VPS13D: variants seen among roughly 807,000 people sequenced by gnomAD.
VPS13D encodes the protein intermembrane lipid transfer protein VPS13D.
A neutral mutation model predicts 461.9 loss-of-function variants in VPS13D; 187 were observed. The observed-to-expected ratio is 0.40, with a 90% CI of 0.36 to 0.46. The LOEUF is 0.46. VPS13D is among the 20% of genes least tolerant of loss of function. The pLI is 0.60. For synonymous variants in VPS13D, 1,951 were observed against 1,986.3 expected, an observed-to-expected ratio of 0.98 and a Z score of 0.47; for missense variants, 4,711 against 5,364.9, an observed-to-expected ratio of 0.88 and a Z score of 3.81.
chr1:12,290,907 G>A (rs1289975887), intron 22 of VPS13D, 91 bp from the exon 23 acceptor site: 2 of 1,248,172 alleles, frequency 1.6e-6, no homozygotes, highest in Non-Finnish European at 2.1e-6. Context: ...AAAGTCTGAG[G>A]CATGTGTATA....
chr1:12,230,627 C>T (rs1259036559), intron 1 of VPS13D, among the ~76,000 whole-genome samples: 1 of 152,122 alleles, frequency 6.6e-6, no homozygotes, highest in Non-Finnish European at 1.5e-5. Context: ...AGCCACCTCC[C>T]TTAATCAGCC....
intron 65 of VPS13D, among the ~76,000 whole-genome samples, chr1:12,424,629 CACCCTAATCAGGT>C (rs55759138): frequency 6.6e-6 from 1 of 152,286 alleles, no homozygotes; most frequent in Non-Finnish European, 1.5e-5. Flanking sequence ...CCCCCTTTTC[CACCCTAATCAGGT>C]AGCTCAGTAG....
chr1:12,358,377 G>C (rs1356262298), intron 49 of VPS13D, 82 bp from the exon 50 acceptor site: 5 of 1,555,436 alleles, frequency 3.2e-6, no homozygotes, highest in African/African-American at 1.4e-5. Flanking sequence ...GGTGATAACT[G>C]TATTAGTGTT....
intron 7 of VPS13D, among the ~76,000 whole-genome samples, chr1:12,255,263 G>T (rs904132892): frequency 2.6e-5 from 4 of 152,006 alleles, no homozygotes; most frequent in Non-Finnish European, 4.4e-5. Context: ...GTTTTAATTC[G>T]ATTACATAAA....
chr1:12,417,255 A>G (rs1034796864), intron 65 of VPS13D, among the ~76,000 whole-genome samples: 24 of 152,108 alleles, frequency 1.6e-4, no homozygotes, highest in Admixed American at 1.3e-3. Flanking sequence ...AATGACAACA[A>G]CCTTTTAAGC....
At chr1:12,266,300 T>C (rs1355613060) in intron 13 of VPS13D, among the ~76,000 whole-genome samples, 1 of 152,224 alleles carries the variant, frequency 6.6e-6, no homozygotes, top group Non-Finnish European at 1.5e-5. Context: ...AATACATGCT[T>C]TATCAAACAG....
rs1367658474 is a variant in VPS13D at position 12,363,240 on chromosome 1, A to G, written c.10441A>G (p.Asn3481Asp). Reference sequence around the variant, plus strand: ...CAACAAGAATAATTCCTTCCATATCAACATGAGGTAAGTTTGAGACTCTAA... The same window carrying G: ...CAACAAGAATAATTCCTTCCATATCGACATGAGGTAAGTTTGAGACTCTAA... ...EVNKNNSFHI[N>D]MRDTLGKCFF... Residue 3481 changes from asparagine (N) to aspartate (D), a missense_variant, in exon 52 of 70, where the codon AAC becomes GAC. Asn to Asp is a conservative substitution (Grantham distance 23). This residue lies in a region of VPS13D where 4,411 missense variants were observed against 4,937.8 expected (regional missense o/e 0.89). Transcript: ENST00000620676. The G allele has an allele frequency of 6.2e-7, 1 of 1,614,132 alleles. No homozygotes were observed. Among genetic ancestry groups the G allele is most frequent in the East Asian group, 2.2e-5 (1 of 44,884 alleles).
intron 67 of VPS13D, among the ~76,000 whole-genome samples, chr1:12,482,569 C>T (rs1557467477): frequency 6.6e-6 from 1 of 152,054 alleles, no homozygotes; most frequent in Non-Finnish European, 1.5e-5. Context: ...CTCCAGAGGC[C>T]TTGCATGAAT....
At chr1:12,400,479 G>T in intron 61 of VPS13D, 149 bp downstream of exon 61, 2 of 1,004,926 alleles carry the variant, frequency 2.0e-6, no homozygotes. Context: ...ATTGTTTGGA[G>T]GAATTGACAG....
At position 12,238,706 on chromosome 1, in the gene VPS13D, C is replaced by T. The variant is rs559319203; in HGVS notation, c.98-3807C>T. ...GAGTGCAGTAGTAGGATCATAGCTC[C>T]CTGCAGCCTCGAACTTTTGGCGATC... On this transcript the variant is annotated intron_variant, in intron 2 of 69. Transcript: ENST00000620676. 3.2e-4 allele frequency among the ~76,000 whole-genome samples: 48 copies of T among 151,502 alleles called. 1 individual carries two copies. In the South Asian group the frequency reaches 9.2e-3, roughly 29 times the overall value.
At chr1:12,351,376 C>T (rs575082116) in intron 46 of VPS13D, among the ~76,000 whole-genome samples, 47 of 152,210 alleles carry the variant, frequency 3.1e-4, no homozygotes, top group Admixed American at 2.7e-3. Context: ...CTGCAACCTC[C>T]GCCTCTTGGA....
rs147556287 is a variant in VPS13D at position 12,237,405 on chromosome 1, A to C, written c.97+3042A>C. On this transcript the variant is annotated intron_variant, in intron 2 of 69. Coordinates refer to ENST00000620676, the MANE Select transcript of VPS13D (RefSeq NM_015378.4). ...CTACTTGGGAGGCTGAGGTGGGAGG[A>C]TCACTTGAGCTGGAGAGGTTGAGGT... 1.4e-3 allele frequency among the ~76,000 whole-genome samples: 212 copies of C among 150,172 alleles called. 2 individuals are homozygous for C. Among genetic ancestry groups the C allele is most frequent in the African/African-American group, 5.0e-3 (205 of 40,724 alleles).
At chr1:12,377,285 C>T (rs1397063167) in intron 55 of VPS13D, among the ~76,000 whole-genome samples, 3 of 151,398 alleles carry the variant, frequency 2.0e-5, no homozygotes, top group Non-Finnish European at 4.4e-5. Flanking sequence ...GTCTTGAACT[C>T]CTGACCTCAG....
At chr1:12,235,860 C>T (rs1054113297) in intron 2 of VPS13D, among the ~76,000 whole-genome samples, 1 of 152,174 alleles carries the variant, frequency 6.6e-6, no homozygotes, top group Admixed American at 6.5e-5. Flanking sequence ...AAGCTAACTA[C>T]GTTGTATGAC....
intron 46 of VPS13D, among the ~76,000 whole-genome samples, chr1:12,350,059 G>A (rs559147251): frequency 1.3e-5 from 2 of 152,272 alleles, no homozygotes; most frequent in South Asian, 4.1e-4. Context: ...TCTGCAAATT[G>A]TTAACAGACT....
intron 57 of VPS13D, among the ~76,000 whole-genome samples, 175 bp downstream of exon 57, chr1:12,379,771 A>T (rs951258522): frequency 7.0e-6 from 1 of 142,644 alleles, no homozygotes; most frequent in African/African-American, 2.6e-5. Context: ...GCATTTGTGT[A>T]TTTTTTTTTT....
At chr1:12,268,915 A>G (rs779111426) in intron 16 of VPS13D, 39 bp downstream of exon 16, 23 of 1,586,860 alleles carry the variant, frequency 1.4e-5, no homozygotes, top group Non-Finnish European at 1.9e-5. Context: ...GTTCCTTTTG[A>G]AAAACATCTT....
rs35287598 is a variant in VPS13D at position 12,277,407 on chromosome 1, G to A, written c.3819G>A (p.Thr1273=). The A allele has an allele frequency of 8.0e-5, 129 of 1,614,056 alleles. No individual in the cohort carries two copies. The highest frequency in any genetic ancestry group is 1.0e-4 in the Non-Finnish European group (118 of 1,180,052). The change falls in exon 19 of 70, where the codon ACG becomes ACA. Residue 1273 remains threonine, a synonymous_variant. Coordinates refer to ENST00000620676, the MANE Select transcript of VPS13D (RefSeq NM_015378.4). ...CCCTCACTGAAGCTTTGAGTTTCAC[G>A]TTTGTTGAGAGATCTAAACAGGAGT... ...DAALTEALSF[T]FVERSKQECF... is the part of the protein sequence containing the mutation.
In VPS13D at chr1:12,438,068, C is replaced by T. The variant is rs768275586; in HGVS notation, c.12334-17930C>T. ...GTGTTCCGTAGCTGTCTTCCCACCC[C>T]CATCCCCTAAAACTTGAGCATCTGT... is the stretch of plus-strand genomic sequence containing the variant. On this transcript the variant is annotated intron_variant, in intron 65 of 69. Coordinates refer to ENST00000620676, the MANE Select transcript of VPS13D (RefSeq NM_015378.4). Among the ~76,000 whole-genome samples, 6 of 152,186 alleles carry T rather than the reference C, an allele frequency of 3.9e-5. No individual in the cohort carries two copies. In the East Asian group the frequency reaches 5.8e-4, roughly 15 times the overall value.
Sources: gnomAD v4.1 joint callset for allele counts (sites outside exome capture counted in the v4.1 genomes callset) on GRCh38, gnomAD v4.1.1 for gene constraint, gnomAD v4.1.1 regional missense constraint, MANE v1.5 for transcripts, NCBI Gene and HGNC (gene_info 2026-07-23, HGNC 2026-07-21) for gene names.